Variants in CAMK1D observed in about 807,000 individuals in gnomAD.
CAMK1D encodes the protein calcium/calmodulin dependent protein kinase ID.
CAMK1D carries 9 observed loss-of-function variants against 47.7 expected under a neutral mutation model. The observed-to-expected ratio is 0.19, with a 90% CI of 0.11 to 0.33. CAMK1D has a LOEUF of 0.33. Ranked by LOEUF, CAMK1D falls within the 10% of genes least tolerant of loss-of-function variation. CAMK1D has a pLI of 1.00. For missense variants in CAMK1D, 291 were observed against 488.7 expected, an observed-to-expected ratio of 0.60 and a Z score of 3.81; for synonymous variants, 184 against 184.9, an observed-to-expected ratio of 0.99 and a Z score of 0.04.
chr10:12,752,127 G>A (rs1836017435), intron 3 of CAMK1D, among the ~76,000 whole-genome samples: 1 of 152,070 alleles, frequency 6.6e-6, no homozygotes, highest in Admixed American at 6.6e-5. Context: ...GGGATTACAG[G>A]CGCCCGCCAT....
intron 3 of CAMK1D, among the ~76,000 whole-genome samples, chr10:12,698,177 A>G (rs1208248448): frequency 4.6e-5 from 7 of 152,228 alleles, no homozygotes; most frequent in Non-Finnish European, 7.3e-5. Context: ...AGAGTTTTAC[A>G]TGGTGTTATT....
At chr10:12,731,393 A>C (rs1052959683) in intron 3 of CAMK1D, among the ~76,000 whole-genome samples, 21 of 152,226 alleles carry the variant, frequency 1.4e-4, no homozygotes, top group Admixed American at 1.3e-4. Flanking sequence ...TGGGAAATAG[A>C]GATTGGAGAA....
chr10:12,576,804 G>A (rs971376605), intron 2 of CAMK1D, among the ~76,000 whole-genome samples: 2 of 152,102 alleles, frequency 1.3e-5, no homozygotes, highest in East Asian at 1.9e-4. Context: ...CTGGAGACTC[G>A]GCTCTGTATT....
At chr10:12,727,856 C>T (rs1249677622) in intron 3 of CAMK1D, among the ~76,000 whole-genome samples, 2 of 151,304 alleles carry the variant, frequency 1.3e-5, no homozygotes, top group East Asian at 1.9e-4. Flanking sequence ...ACCTCTGCCT[C>T]CTGGGTTCAG....
intron 2 of CAMK1D, among the ~76,000 whole-genome samples, chr10:12,643,168 A>G (rs537242909): frequency 6.6e-6 from 1 of 152,060 alleles, no homozygotes; most frequent in South Asian, 2.1e-4. Flanking sequence ...CACCTGGCTA[A>G]TTTTTTGTAT....
chr10:12,737,889 T>C (rs1835254968), intron 3 of CAMK1D, among the ~76,000 whole-genome samples: 3 of 152,214 alleles, frequency 2.0e-5, no homozygotes, highest in African/African-American at 7.2e-5. Flanking sequence ...TCCTATACCA[T>C]ACATCAAAAT....
intron 5 of CAMK1D, among the ~76,000 whole-genome samples, chr10:12,788,498 G>T (rs1212356099): frequency 2.0e-5 from 3 of 152,234 alleles, no homozygotes; most frequent in Admixed American, 2.0e-4. Context: ...CTCTGCGGGA[G>T]GGGAAGCTGG....
At chr10:12,675,017 C>T (rs1421108008) in intron 3 of CAMK1D, among the ~76,000 whole-genome samples, 16 of 130,162 alleles carry the variant, frequency 1.2e-4, no homozygotes, top group South Asian at 2.4e-4. Flanking sequence ...GGCGACAGAG[C>T]GAGACTCCAT....
intron 8 of CAMK1D, 69 bp downstream of exon 8, chr10:12,816,397 G>T: frequency 8.2e-7 from 1 of 1,220,274 alleles, no homozygotes. Flanking sequence ...GAAACTTCCT[G>T]TTGGCCGTTG....
At position 12,814,164 on chromosome 10, in the gene CAMK1D, G is replaced by A. The variant is rs774251388; in HGVS notation, c.642-31G>A. 1.2e-5 allele frequency: 16 copies of A among 1,388,996 alleles called. No individual in the cohort carries two copies. In the South Asian group the frequency reaches 1.6e-4, roughly 14 times the overall value. The allele number at this position is 1,388,996 out of a possible 1,614,324, so 86.0% of individuals were successfully genotyped here. ...CAGTCACCACACTGGTTATGCAGAT[G>A]TTCCAGCTTTTACTCCATTTTGTCT... On this transcript the variant is annotated intron_variant, in intron 6 of 10. Transcript: ENST00000619168.
chr10:12,693,394 C>G (rs1833010143), intron 3 of CAMK1D, among the ~76,000 whole-genome samples: 1 of 151,654 alleles, frequency 6.6e-6, no homozygotes, highest in South Asian at 2.1e-4. Context: ...GAGGTTTTCC[C>G]AAAGAAGACA....
intron 3 of CAMK1D, among the ~76,000 whole-genome samples, chr10:12,713,964 G>A (rs866111982): frequency 1.3e-5 from 2 of 152,292 alleles, no homozygotes; most frequent in Middle Eastern, 3.4e-3. Flanking sequence ...TCAGAAGATC[G>A]CTTGGATGGA....
chr10:12,678,194 A>C (rs1697714038), intron 3 of CAMK1D, among the ~76,000 whole-genome samples: 1 of 151,950 alleles, frequency 6.6e-6, no homozygotes, highest in South Asian at 2.1e-4. Flanking sequence ...ACATTTTGGT[A>C]TGTTGTGTTT....
At chr10:12,806,408 T>C (rs1838732694) in intron 6 of CAMK1D, among the ~76,000 whole-genome samples, 1 of 152,228 alleles carries the variant, frequency 6.6e-6, no homozygotes, top group South Asian at 2.1e-4. Flanking sequence ...CTGCTGTAGA[T>C]GCAGGTCACA....
At chr10:12,663,728 G>A (rs914136797) in intron 2 of CAMK1D, among the ~76,000 whole-genome samples, 1 of 152,164 alleles carries the variant, frequency 6.6e-6, no homozygotes, top group African/African-American at 2.4e-5. Flanking sequence ...CATGAAATGA[G>A]CCTTTGCCTG....
intron 1 of CAMK1D, among the ~76,000 whole-genome samples, chr10:12,376,354 G>A (rs1838181855): frequency 6.6e-6 from 1 of 152,032 alleles, no homozygotes; most frequent in African/African-American, 2.4e-5. Context: ...AAAAGAATAA[G>A]TCAGAGGGCG....
intron 3 of CAMK1D, among the ~76,000 whole-genome samples, chr10:12,692,784 A>C (rs1270280520): frequency 1.3e-5 from 2 of 152,224 alleles, no homozygotes; most frequent in Non-Finnish European, 2.9e-5. Context: ...GACATAAACA[A>C]TTCCCAGGAA....
At chr10:12,351,184 C>A (rs1266819543) in intron 1 of CAMK1D, among the ~76,000 whole-genome samples, 1 of 152,130 alleles carries the variant, frequency 6.6e-6, no homozygotes, top group Non-Finnish European at 1.5e-5. Context: ...GCTTCTGATT[C>A]CCGGGAAGGC....
rs368615989 is a variant in CAMK1D at position 12,769,761 on chromosome 10, A to T, written c.527A>T (p.Asp176Val). 1 of 1,614,198 alleles carries T rather than the reference A, an allele frequency of 6.2e-7. No individual in the cohort carries two copies. Among genetic ancestry groups the T allele is most frequent in the African/African-American group, 1.3e-5 (1 of 75,066 alleles). ...TTGTCAAAAATGGAGGGCAAAGGAG[A>T]TGTGATGTCCACTGCCTGTGGAACT... ...FGLSKMEGKG[D>V]VMSTACGTPG... The change falls in exon 5 of 11, where the codon GAT becomes GTT. Residue 176 changes from aspartate to valine, a missense_variant. By Grantham distance (152) the Asp-to-Val change is radical. Around this residue, in one of 2 missense-constraint regions of CAMK1D, gnomAD observed 219 missense variants for 424.3 expected, o/e 0.52. Coordinates refer to ENST00000619168, the MANE Select transcript of CAMK1D (RefSeq NM_153498.4).
Sources: gnomAD v4.1 joint callset for allele counts (sites outside exome capture counted in the v4.1 genomes callset) on GRCh38, gnomAD v4.1.1 for gene constraint, gnomAD v4.1.1 regional missense constraint, MANE v1.5 for transcripts, NCBI Gene and HGNC (gene_info 2026-07-23, HGNC 2026-07-21) for gene names.